Variants in AFF3 observed in about 807,000 individuals in gnomAD.
The protein encoded by AFF3 is AF4/FMR2 family member 3.
In AFF3, 32 loss-of-function variants were observed where a neutral mutation model predicts 129.7. The ratio of observed to expected loss-of-function variants is 0.25; its 90% CI spans 0.19 to 0.33. The LOEUF (loss-of-function observed/expected upper bound fraction) is 0.33, where lower values mean the gene tolerates loss of function less well. Among genes scored for constraint, AFF3 ranks in the 10% least tolerant of loss-of-function variants. The probability of loss-of-function intolerance (pLI) is 1.00; values close to 1 mark genes in which losing one functional copy is unlikely to be tolerated. For synonymous variants in AFF3, 644 were observed against 635.4 expected (o/e 1.01, Z -0.20); for missense variants, 1,373 against 1,592.0 (o/e 0.86, Z 2.34).
At chr2:99,592,267 C>T (rs13387685) in intron 15 of AFF3, among the ~76,000 whole-genome samples, 96 of 152,352 alleles carry the variant, frequency 6.3e-4, no homozygotes, top group African/African-American at 2.2e-3. Context: ...CTGGACTCAC[C>T]GCTTCCATTC....
At chr2:99,681,681 C>T (rs573413793) in intron 11 of AFF3, among the ~76,000 whole-genome samples, 3 of 152,142 alleles carry the variant, frequency 2.0e-5, no homozygotes, top group African/African-American at 4.8e-5. Flanking sequence ...TGTTGATGAA[C>T]CAGAAAGCAG....
In AFF3 at chr2:99,551,495, C is replaced by T. The variant is rs370022150; in HGVS notation, c.3660G>A (p.Arg1220=). The T allele has an allele frequency of 1.2e-6, 2 of 1,613,972 alleles. No individual in the cohort carries two copies. Among genetic ancestry groups the T allele is most frequent in the Non-Finnish European group, 1.7e-6 (2 of 1,180,006 alleles). ...QYSQQGLHWL[R]NSAHLS Reference sequence around the variant, plus strand: ...GTCCCTATGACAGGTGGGCGCTGTTCCGCAGCCAGTGCAGGCCCTGTTGGG... The same window carrying T: ...GTCCCTATGACAGGTGGGCGCTGTTTCGCAGCCAGTGCAGGCCCTGTTGGG... The change falls in exon 25 of 25, where the codon CGG becomes CGA. Residue 1220 remains arginine, a synonymous_variant. Transcript: ENST00000672756.
chr2:99,670,884 T>C (rs2104441403), intron 12 of AFF3, among the ~76,000 whole-genome samples: 1 of 152,350 alleles, frequency 6.6e-6, no homozygotes, highest in East Asian at 1.9e-4. Context: ...GGATCTGACC[T>C]GTACATTCAT....
At chr2:100,046,800 G>A (rs921039994) in intron 4 of AFF3, among the ~76,000 whole-genome samples, 2 of 152,116 alleles carry the variant, frequency 1.3e-5, no homozygotes, top group African/African-American at 4.8e-5. Context: ...CTCTCAGCCA[G>A]GCATCTTGAG....
rs758455268 is a variant in AFF3 at position 99,565,478 on chromosome 2, G to A, written c.3119+9C>T. ...CTCCCCTCATCCAGCAAGAAAACAC[G>A]GTGCTTACCTGATGAGCTCTACTGT... is the stretch of plus-strand genomic sequence containing the variant. On this transcript the variant is annotated intron_variant, in intron 20 of 24. Transcript: ENST00000672756. 110 of 1,609,592 alleles carry A rather than the reference G, an allele frequency of 6.8e-5. No homozygotes were observed. Among genetic ancestry groups the A allele is most frequent in the Non-Finnish European group, 8.7e-5 (102 of 1,176,456 alleles).
At chr2:99,748,531 T>C (rs189606726) in intron 9 of AFF3, among the ~76,000 whole-genome samples, 16 of 152,304 alleles carry the variant, frequency 1.1e-4, no homozygotes, top group Admixed American at 2.6e-4. Flanking sequence ...CTTCCAGCTG[T>C]GTATCCTGTT....
intron 8 of AFF3, among the ~76,000 whole-genome samples, chr2:99,793,872 C>G (rs1278635413): frequency 6.6e-6 from 1 of 152,142 alleles, no homozygotes; most frequent in Non-Finnish European, 1.5e-5. Context: ...CTCAAGGAAC[C>G]TGACGTTCAA....
intron 4 of AFF3, among the ~76,000 whole-genome samples, chr2:100,056,199 G>C (rs574926677): frequency 8.2e-4 from 124 of 152,018 alleles, no homozygotes; most frequent in African/African-American, 2.7e-3. Flanking sequence ...CTCTCAAAGT[G>C]GCTGGCTGAA....
chr2:99,601,684 ACACCACCAAG>A, intron 13 of AFF3, 63 bp from the exon 14 acceptor site: 1 of 1,545,214 alleles, frequency 6.5e-7, no homozygotes, highest in South Asian at 1.2e-5. Context: ...AAACAGGAAA[ACACCACCAAG>A]CTGTCATGCA....
At chr2:100,076,055 G>T (rs543270555) in intron 4 of AFF3, among the ~76,000 whole-genome samples, 1 of 152,248 alleles carries the variant, frequency 6.6e-6, no homozygotes, top group South Asian at 2.1e-4. Flanking sequence ...ACAAAAATGG[G>T]CTGCAGACAT....
intron 4 of AFF3, among the ~76,000 whole-genome samples, chr2:100,079,107 C>T (rs992110222): frequency 2.6e-5 from 4 of 151,842 alleles, no homozygotes; most frequent in Non-Finnish European, 4.4e-5. Flanking sequence ...CCACCACGCC[C>T]GGCTAATTTT....
Position 99,736,890 on chromosome 2 carries a change from G to A in AFF3, c.1039+7214C>T, listed in dbSNP as rs544413881. ...CTCCCAAACTGCTGGGATTACAGGC[G>A]TGAGCCACCACGCCCGGCCTTTAAA... is the stretch of plus-strand genomic sequence containing the variant. On this transcript the variant is annotated intron_variant, in intron 10 of 24. Coordinates refer to ENST00000672756, the MANE Select transcript of AFF3 (RefSeq NM_001386135.1). Among the ~76,000 whole-genome samples the A allele has an allele frequency of 1.1e-3, 173 of 151,904 alleles. 1 individual carries two copies. The highest frequency in any genetic ancestry group is 2.0e-3 in the Non-Finnish European group (139 of 67,948).
intron 21 of AFF3, among the ~76,000 whole-genome samples, chr2:99,559,846 G>C (rs951994738): frequency 9.2e-5 from 14 of 152,194 alleles, no homozygotes; most frequent in Non-Finnish European, 1.9e-4. Flanking sequence ...TCACTGCTTG[G>C]TAGACATGTA....
At chr2:99,673,654 C>A (rs6736032) in intron 11 of AFF3, among the ~76,000 whole-genome samples, 27,528 of 152,190 alleles carry the variant, frequency 0.18, 3,042 homozygotes, top group South Asian at 0.3. Context: ...GCCCGCTGAG[C>A]CCTTGTGCTC....
At chr2:99,635,861 C>A (rs1056042108) in intron 13 of AFF3, among the ~76,000 whole-genome samples, 3 of 152,168 alleles carry the variant, frequency 2.0e-5, no homozygotes, top group African/African-American at 7.2e-5. Flanking sequence ...AAGTCCCCAG[C>A]ACAGGGCCTG....
At chr2:99,691,982 T>C (rs1675711916) in intron 11 of AFF3, among the ~76,000 whole-genome samples, 3 of 152,248 alleles carry the variant, frequency 2.0e-5, no homozygotes, top group African/African-American at 4.8e-5. Context: ...GTCTAAAGTA[T>C]GGAAGGCTTT....
chr2:99,736,633 G>A (rs1399046060), intron 10 of AFF3, among the ~76,000 whole-genome samples: 9 of 125,246 alleles, frequency 7.2e-5, no homozygotes, highest in South Asian at 5.2e-4. Flanking sequence ...TTTTTGAGAC[G>A]GAGTCTCACT....
intron 7 of AFF3, among the ~76,000 whole-genome samples, chr2:99,968,081 C>A (rs1677967096): frequency 6.6e-6 from 1 of 152,176 alleles, no homozygotes. Flanking sequence ...TATACACATC[C>A]ATCTTTGCCC....
At chr2:100,134,383 T>C (rs1394470713) in intron 1 of AFF3, among the ~76,000 whole-genome samples, 1 of 152,244 alleles carries the variant, frequency 6.6e-6, no homozygotes, top group Admixed American at 6.5e-5. Context: ...TCTGTATTTT[T>C]TTTCTGAATT....
Sources: gnomAD v4.1 joint callset for allele counts (sites outside exome capture counted in the v4.1 genomes callset) on GRCh38, gnomAD v4.1.1 for gene constraint, MANE v1.5 for transcripts, NCBI Gene and HGNC (gene_info 2026-07-23, HGNC 2026-07-21) for gene names.